The following CHODL variants were observed in gnomAD, a reference collection of about 807,000 sequenced individuals.
CHODL encodes chondrolectin.
Under a neutral mutation model 34.5 loss-of-function variants are expected in CHODL, and 29 were observed. That is an observed-to-expected ratio of 0.84 (90% CI 0.63 to 1.15). The LOEUF (loss-of-function observed/expected upper bound fraction) is 1.15. CHODL is among the 50% of genes most tolerant of loss of function. CHODL has a pLI of 0.00. For synonymous variants in CHODL, 125 were observed against 116.1 expected (o/e 1.08, Z -0.49); for missense variants, 332 against 332.5 (o/e 1.00, Z 0.01).
intron 1 of CHODL, chr21:18,245,805 G>A: frequency 1.0e-6 from 1 of 988,022 alleles, no homozygotes. Context: ...TGGGCATTCG[G>A]TCTTTGTTCT....
chr21:18,055,097 G>T lies in CHODL; in HGVS notation c.-45+27126G>T, dbSNP rs141560729. On this transcript the variant is annotated intron_variant, in intron 2 of 6. Coordinates refer to the CHODL transcript ENST00000400127. ...TTATAACACTCAACAATAATAGACT[G>T]ATTGTGGCATCTCTCCTCACTTTCC... Among the ~76,000 whole-genome samples, 3 of 152,052 alleles carry T rather than the reference G, an allele frequency of 2.0e-5. No homozygotes were observed. In the East Asian group the frequency reaches 5.8e-4, roughly 29 times the overall value.
chr21:18,169,399 G>A (rs980980018), intron 2 of CHODL, among the ~76,000 whole-genome samples: 1 of 150,630 alleles, frequency 6.6e-6, no homozygotes, highest in African/African-American at 2.4e-5. Context: ...TCTCTTTCTT[G>A]ATTAATCTAG....
chr21:18,181,703 T>G (rs940352270), intron 2 of CHODL, among the ~76,000 whole-genome samples: 4 of 152,196 alleles, frequency 2.6e-5, no homozygotes, highest in Non-Finnish European at 5.9e-5. Context: ...AATCACATCT[T>G]ATTCTCCCTC....
chr21:18,209,949 A>G lies in CHODL; in HGVS notation c.-44-46560A>G, dbSNP rs115099409. On this transcript the variant is annotated intron_variant, in intron 2 of 6. Coordinates refer to the CHODL transcript ENST00000400127. ...TCTCCTTTTCTCAAGTGGAAGATAG[A>G]ATTTTCTCCTGGAGCTGCAAGCTGC... Among the ~76,000 whole-genome samples, 990 of 152,192 alleles carry G rather than the reference A, an allele frequency of 6.5e-3. 17 individuals carry two copies. The highest frequency in any genetic ancestry group is 0.022 in the African/African-American group (924 of 41,536).
chr21:18,056,967 GA>G (rs1342043729), intron 2 of CHODL, among the ~76,000 whole-genome samples: 2 of 152,034 alleles, frequency 1.3e-5, no homozygotes, highest in Non-Finnish European at 1.5e-5. Flanking sequence ...TTAGAAGAAT[GA>G]AAAATCAGGT....
chr21:18,033,375 C>A (rs1042892133), intron 2 of CHODL, among the ~76,000 whole-genome samples: 1 of 151,928 alleles, frequency 6.6e-6, no homozygotes, highest in African/African-American at 2.4e-5. Flanking sequence ...TGGTTTTGTG[C>A]AGAAGTATGA....
At chr21:17,940,953 A>G (rs1868764763) in intron 1 of CHODL, among the ~76,000 whole-genome samples, 1 of 152,232 alleles carries the variant, frequency 6.6e-6, no homozygotes, top group South Asian at 2.1e-4. Flanking sequence ...TAATAGAAAT[A>G]TATTCATGAT....
intron 1 of CHODL, among the ~76,000 whole-genome samples, chr21:18,256,278 G>T (rs1196505735): frequency 6.6e-6 from 1 of 152,026 alleles, no homozygotes; most frequent in African/African-American, 2.4e-5. Flanking sequence ...TACAAACCTT[G>T]CTTGAAGTAC....
intron 1 of CHODL, among the ~76,000 whole-genome samples, chr21:18,254,261 G>A (rs1601212245): frequency 1.4e-5 from 2 of 146,148 alleles, no homozygotes; most frequent in South Asian, 4.2e-4. Context: ...AATACCAACA[G>A]GAATAATGTT....
intron 2 of CHODL, among the ~76,000 whole-genome samples, chr21:18,128,949 C>T (rs780232932): frequency 2.0e-5 from 3 of 152,034 alleles, no homozygotes; most frequent in African/African-American, 4.8e-5. Context: ...TTTTCTTTAT[C>T]TAAATAATTA....
At chr21:18,259,858 T>C (rs2074359885) in intron 3 of CHODL, among the ~76,000 whole-genome samples, 1 of 152,182 alleles carries the variant, frequency 6.6e-6, no homozygotes, top group Non-Finnish European at 1.5e-5. Context: ...ACTCTTACGT[T>C]TGCCAATTCT....
At chr21:18,175,102 G>A (rs775396218) in intron 2 of CHODL, among the ~76,000 whole-genome samples, 5 of 152,222 alleles carry the variant, frequency 3.3e-5, no homozygotes, top group East Asian at 3.9e-4. Context: ...TGTATGAACT[G>A]GTTATTATCT....
At chr21:18,241,079 T>C (rs1409127038), upstream of CHODL, among the ~76,000 whole-genome samples, 1 of 152,110 alleles carries the variant, frequency 6.6e-6, no homozygotes, top group Non-Finnish European at 1.5e-5. Context: ...CATAGACATG[T>C]TTTGAAAAGA....
At chr21:17,927,060 A>C (rs1235888680) in intron 1 of CHODL, among the ~76,000 whole-genome samples, 1 of 150,854 alleles carries the variant, frequency 6.6e-6, no homozygotes, top group Non-Finnish European at 1.5e-5. Context: ...ATATGTGTAT[A>C]TGTATGTATA....
chr21:17,937,599 T>G (rs2824563), intron 1 of CHODL, among the ~76,000 whole-genome samples: 7 of 152,104 alleles, frequency 4.6e-5, no homozygotes, highest in South Asian at 2.1e-4. Flanking sequence ...ACATTTTATA[T>G]TCCTGTGGTT....
chr21:18,137,629 T>G (rs944343920), intron 2 of CHODL, among the ~76,000 whole-genome samples: 1 of 151,934 alleles, frequency 6.6e-6, no homozygotes, highest in Non-Finnish European at 1.5e-5. Context: ...AAATATTCAT[T>G]AACAACTTTC....
chr21:18,131,675 A>G (rs1329011080), intron 2 of CHODL, among the ~76,000 whole-genome samples: 1 of 152,126 alleles, frequency 6.6e-6, no homozygotes, highest in East Asian at 1.9e-4. Flanking sequence ...CAGTCCCTAT[A>G]TCATTCCTGG....
At chr21:18,183,403 C>T (rs77368826) in intron 2 of CHODL, among the ~76,000 whole-genome samples, 2,259 of 152,304 alleles carry the variant, frequency 0.015, 60 homozygotes, top group African/African-American at 0.05. Flanking sequence ...TCTACCATGT[C>T]ATCTAAGTGC....
chr21:18,206,210 T>G (rs2073709944), intron 2 of CHODL, among the ~76,000 whole-genome samples: 1 of 152,206 alleles, frequency 6.6e-6, no homozygotes, highest in African/African-American at 2.4e-5. Flanking sequence ...TCTGGATGAC[T>G]TGTTCAATGC....
Sources: gnomAD v4.1 joint callset for allele counts (sites outside exome capture counted in the v4.1 genomes callset) on GRCh38, gnomAD v4.1.1 for gene constraint, MANE v1.5 for transcripts, NCBI Gene and HGNC (gene_info 2026-07-23, HGNC 2026-07-21) for gene names.